The following TRIO variants were observed in gnomAD, a reference collection of about 807,000 sequenced individuals.
TRIO encodes the protein triple functional domain protein.
TRIO carries 58 observed loss-of-function variants against 351.9 expected under a neutral mutation model. That is an observed-to-expected ratio of 0.16 (90% CI 0.13 to 0.21). The LOEUF is 0.21. TRIO is among the 10% of genes least tolerant of loss of function. TRIO has a pLI of 1.00. For synonymous variants in TRIO, 1,758 were observed against 1,595.7 expected, an observed-to-expected ratio of 1.10 and a Z score of -2.42; for missense variants, 3,201 against 4,027.8, an observed-to-expected ratio of 0.79 and a Z score of 5.56.
intron 28 of TRIO, among the ~76,000 whole-genome samples, chr5:14,395,045 A>G (rs1747441424): frequency 6.6e-6 from 1 of 152,232 alleles, no homozygotes; most frequent in Non-Finnish European, 1.5e-5. Flanking sequence ...AGGCTCGACA[A>G]CGGGAAGTTA....
At chr5:14,434,687 G>A (rs542763046) in intron 34 of TRIO, among the ~76,000 whole-genome samples, 1 of 152,288 alleles carries the variant, frequency 6.6e-6, no homozygotes, top group African/African-American at 2.4e-5. Flanking sequence ...TTGCTTTCAT[G>A]TCCTCTCTCT....
chr5:14,479,489 C>CTT, intron 42 of TRIO, 139 bp downstream of exon 42: 1 of 695,728 alleles, frequency 1.4e-6, no homozygotes, highest in Non-Finnish European at 2.3e-6. Flanking sequence ...CTGAACCTTT[C>CTT]TTTCTTTCCT....
At chr5:14,255,050 A>C (rs1330755691) in intron 1 of TRIO, among the ~76,000 whole-genome samples, 1 of 152,180 alleles carries the variant, frequency 6.6e-6, no homozygotes, top group Non-Finnish European at 1.5e-5. Context: ...TTTAGAATCC[A>C]AAATTGATTT....
At chr5:14,359,271 C>A in intron 12 of TRIO, 86 bp from the exon 13 acceptor site, 1 of 1,504,838 alleles carries the variant, frequency 6.6e-7, no homozygotes, top group Non-Finnish European at 9.0e-7. Context: ...CAGCTTTCTT[C>A]CCCTGAAGAT....
chr5:14,380,851 A>C (rs1469746548), intron 20 of TRIO, among the ~76,000 whole-genome samples: 4 of 152,236 alleles, frequency 2.6e-5, no homozygotes, highest in Non-Finnish European at 5.9e-5. Context: ...GATAAAGAAA[A>C]TGTGGCACAT....
intron 45 of TRIO, 138 bp downstream of exon 45, chr5:14,481,756 T>C (rs1021803428): frequency 4.4e-6 from 3 of 685,350 alleles, no homozygotes; most frequent in Non-Finnish European, 4.5e-6. Context: ...CTCAATCTGA[T>C]TGATATTTTA....
At chr5:14,436,684 T>G (rs566416056) in intron 34 of TRIO, among the ~76,000 whole-genome samples, 3 of 152,172 alleles carry the variant, frequency 2.0e-5, no homozygotes, top group Non-Finnish European at 4.4e-5. Context: ...TGGAAGAAAT[T>G]GGCCAAAACA....
At chr5:14,413,942 G>A (rs1341948454) in intron 33 of TRIO, among the ~76,000 whole-genome samples, 2 of 152,170 alleles carry the variant, frequency 1.3e-5, no homozygotes, top group Admixed American at 6.5e-5. Context: ...AGCTGGTTGA[G>A]GTCAGCTAGT....
intron 2 of TRIO, among the ~76,000 whole-genome samples, chr5:14,274,402 G>C (rs1054304188): frequency 6.6e-6 from 1 of 152,154 alleles, no homozygotes; most frequent in African/African-American, 2.4e-5. Flanking sequence ...TGGCAGGGAA[G>C]GTGGCAAAAA....
chr5:14,252,526 T>G (rs2152249133), intron 1 of TRIO, among the ~76,000 whole-genome samples: 1 of 152,364 alleles, frequency 6.6e-6, no homozygotes, highest in South Asian at 2.1e-4. Flanking sequence ...GGACTTCATC[T>G]GTGTCCTTTT....
At chr5:14,232,318 A>G (rs1044440484) in intron 1 of TRIO, among the ~76,000 whole-genome samples, 4 of 151,366 alleles carry the variant, frequency 2.6e-5, no homozygotes, top group African/African-American at 7.3e-5. Flanking sequence ...ACTCCCCCCA[A>G]CCCCTCCCAT....
At position 14,388,992 on chromosome 5, in the gene TRIO, A is replaced by T. The variant is rs559206089; in HGVS notation, c.3949-297A>T. On this transcript the variant is annotated intron_variant, in intron 24 of 56. Coordinates refer to ENST00000344204, the MANE Select transcript of TRIO (RefSeq NM_007118.4). The stretch of plus-strand genomic sequence containing the variant: ...CAGAGAAATGTGCCTACTAATTATG[A>T]CTGGCAACTAATACTCAGTGGTATC... Among the ~76,000 whole-genome samples the T allele has an allele frequency of 1.2e-4, 19 of 152,280 alleles. No homozygotes were observed. The East Asian group carries it at 3.7e-3, about 29-fold the overall frequency.
intron 31 of TRIO, among the ~76,000 whole-genome samples, chr5:14,404,917 C>T (rs941863417): frequency 2.0e-5 from 3 of 152,136 alleles, no homozygotes; most frequent in African/African-American, 4.8e-5. Flanking sequence ...AAATGCTGGG[C>T]GCTCCCCACT....
intron 1 of TRIO, among the ~76,000 whole-genome samples, chr5:14,196,259 C>G (rs1394291049): frequency 6.6e-6 from 1 of 151,766 alleles, no homozygotes; most frequent in Non-Finnish European, 1.5e-5. Flanking sequence ...CCCCTCTCTA[C>G]TAAAAATACA....
At chr5:14,333,686 A>G (rs1297366277) in intron 10 of TRIO, among the ~76,000 whole-genome samples, 2 of 152,140 alleles carry the variant, frequency 1.3e-5, no homozygotes, top group Non-Finnish European at 2.9e-5. Context: ...TTAGTGAGAA[A>G]CAGCCCTGCA....
chr5:14,377,844 A>C (rs1402371657), intron 19 of TRIO, among the ~76,000 whole-genome samples, 168 bp from the exon 20 acceptor site: 3 of 152,220 alleles, frequency 2.0e-5, no homozygotes, highest in African/African-American at 7.2e-5. Flanking sequence ...GAGTGAGAAG[A>C]GGTCTGGTAG....
chr5:14,383,914 A>G (rs1300020683), intron 21 of TRIO, among the ~76,000 whole-genome samples: 1 of 152,218 alleles, frequency 6.6e-6, no homozygotes, highest in Non-Finnish European at 1.5e-5. Flanking sequence ...AAAGTCTTTC[A>G]GTGCACTTGT....
chr5:14,167,297 C>A (rs1033365785), intron 1 of TRIO, among the ~76,000 whole-genome samples: 3 of 151,846 alleles, frequency 2.0e-5, no homozygotes, highest in African/African-American at 7.3e-5. Context: ...GAGTATGTTC[C>A]ATGAGCCCGT....
rs554955944 is a variant in TRIO, at chr5:14,277,639, G to A, written c.233-2683G>A. On this transcript the variant is annotated intron_variant, in intron 2 of 56. Transcript: ENST00000344204. ...CAGTGCTGTTATTTTTACTAGTTTC[G>A]GAACAGGAACAGAACTTTGCATTTG... is the stretch of plus-strand genomic sequence containing the variant. 5.3e-4 allele frequency among the ~76,000 whole-genome samples: 81 copies of A among 152,220 alleles called. 2 individuals are homozygous for A. Among genetic ancestry groups the A allele is most frequent in the Admixed American group, 4.3e-3 (66 of 15,290 alleles).
Sources: allele counts gnomAD v4.1 joint callset (sites outside exome capture counted in the v4.1 genomes callset), GRCh38; gene constraint gnomAD v4.1.1; transcripts MANE v1.5; gene names NCBI Gene and HGNC (gene_info 2026-07-23, HGNC 2026-07-21).